The following VPS13A variants were observed in gnomAD, a reference collection of about 807,000 sequenced individuals.
VPS13A encodes the protein vacuolar protein sorting 13 homolog A.
Under a neutral mutation model 390.9 loss-of-function variants are expected in VPS13A, and 264 were observed. That is an observed-to-expected ratio of 0.68 (90% confidence interval 0.61 to 0.75). VPS13A has a LOEUF of 0.75. Among genes scored for constraint, VPS13A ranks in the 30% least tolerant of loss-of-function variants. The pLI is 0.00. For missense variants in VPS13A, 3,409 were observed against 3,733.9 expected (o/e 0.91, Z 2.27); for synonymous variants, 1,231 against 1,227.1 (o/e 1.00, Z -0.07).
chr9:77,250,347 A>G (rs781501198), intron 21 of VPS13A, 118 bp downstream of exon 21: 54 of 1,229,784 alleles, frequency 4.4e-5, no homozygotes, highest in Non-Finnish European at 5.6e-5. Context: ...TTGAATTAGA[A>G]ATGATAGTAA....
At chr9:77,296,091 GA>G (rs1454229563) in intron 33 of VPS13A, among the ~76,000 whole-genome samples, 1 of 152,136 alleles carries the variant, frequency 6.6e-6, no homozygotes, top group African/African-American at 2.4e-5. Context: ...TTTATTATCT[GA>G]GGAAGTATAT....
At chr9:77,247,458 ATTTTGTTTTT>A (rs997620994) in intron 20 of VPS13A, 63 bp downstream of exon 20, 1 of 1,497,160 alleles carries the variant, frequency 6.7e-7, no homozygotes, top group African/African-American at 1.4e-5. Context: ...TTTTAAATGT[ATTTTGTTTTT>A]TAAACAGTTT....
At chr9:77,399,401 T>G (rs966199851) in intron 68 of VPS13A, among the ~76,000 whole-genome samples, 1 of 151,806 alleles carries the variant, frequency 6.6e-6, no homozygotes, top group Non-Finnish European at 1.5e-5. Flanking sequence ...ATGCACAGAT[T>G]AGATTTGATT....
chr9:77,210,136 T>C, intron 6 of VPS13A, among the ~76,000 whole-genome samples: 1 of 143,210 alleles, frequency 7.0e-6, no homozygotes, highest in African/African-American at 2.6e-5. Flanking sequence ...AAGTTATCCC[T>C]CCCTCCCTTC....
rs1835286159 is a variant in VPS13A at position 77,419,675 on chromosome 9, C to T, written c.*3669C>T. On this transcript the variant is annotated 3_prime_UTR_variant, in exon 72 of 72. Coordinates refer to ENST00000360280, the MANE Select transcript of VPS13A (RefSeq NM_033305.3). ...CAGAAAAAGCATAGAAAAATTAGAT[C>T]CACACACAGCACCCAAAAAAGGCCA... The T allele has an allele frequency of 6.6e-6, 1 of 152,178 alleles. No individual in the cohort carries two copies. The highest frequency in any genetic ancestry group is 1.5e-5 in the Non-Finnish European group (1 of 68,030). The allele number at this position is 152,178 out of a possible 1,614,324, so 9.4% of individuals were successfully genotyped here.
At chr9:77,352,912 TATC>T (rs1475769354) in intron 53 of VPS13A, among the ~76,000 whole-genome samples, 2 of 152,120 alleles carry the variant, frequency 1.3e-5, no homozygotes, top group Non-Finnish European at 2.9e-5. Flanking sequence ...AAAACCCTGA[TATC>T]AGCACATTTA....
intron 21 of VPS13A, among the ~76,000 whole-genome samples, chr9:77,250,668 G>A (rs1825104480): frequency 6.6e-6 from 1 of 152,164 alleles, no homozygotes; most frequent in South Asian, 2.1e-4. Context: ...ATTGCTCAGG[G>A]CCAGAAGTAA....
At chr9:77,365,410 C>G (rs1832377997) in intron 59 of VPS13A, 50 bp from the exon 60 acceptor site, 1 of 1,194,190 alleles carries the variant, frequency 8.4e-7, no homozygotes, top group African/African-American at 1.5e-5. Flanking sequence ...GCTTAAATAT[C>G]TCATGCAGGT....
intron 1 of VPS13A, among the ~76,000 whole-genome samples, chr9:77,199,386 T>C (rs562799552): frequency 1.3e-5 from 2 of 152,238 alleles, no homozygotes; most frequent in Admixed American, 6.5e-5. Context: ...TGGGGTTACA[T>C]GTAACATCCT....
At chr9:77,255,173 C>G (rs1481369914) in intron 22 of VPS13A, among the ~76,000 whole-genome samples, 2 of 152,036 alleles carry the variant, frequency 1.3e-5, no homozygotes, top group African/African-American at 4.8e-5. Flanking sequence ...TCCTTCTGTT[C>G]CTAGTTTGCT....
At chr9:77,302,867 C>T (rs760793964) in intron 33 of VPS13A, 48 bp from the exon 34 acceptor site, 45 of 1,559,482 alleles carry the variant, frequency 2.9e-5, no homozygotes, top group Non-Finnish European at 3.9e-5. Flanking sequence ...TTTTTAACTA[C>T]CTGAATGTAT....
chr9:77,231,974 C>A (rs1823856783), intron 17 of VPS13A, among the ~76,000 whole-genome samples: 2 of 152,108 alleles, frequency 1.3e-5, no homozygotes, highest in Non-Finnish European at 2.9e-5. Context: ...ATGTGGATAT[C>A]CCGGTGTCCC....
chr9:77,392,120 A>C (rs1029937982), intron 68 of VPS13A, among the ~76,000 whole-genome samples: 3 of 152,212 alleles, frequency 2.0e-5, no homozygotes, highest in African/African-American at 7.2e-5. Context: ...CGGTATATGC[A>C]AGGCTGTAAA....
intron 13 of VPS13A, 100 bp downstream of exon 13, chr9:77,221,456 GACCTTTTCATC>G: frequency 7.6e-7 from 1 of 1,323,118 alleles, no homozygotes; most frequent in Non-Finnish European, 1.1e-6. Context: ...AATTTTTATT[GACCTTTTCATC>G]TCTTTTACTT....
At chr9:77,206,595 T>C (rs758779286) in intron 5 of VPS13A, among the ~76,000 whole-genome samples, 2 of 152,168 alleles carry the variant, frequency 1.3e-5, no homozygotes, top group Non-Finnish European at 2.9e-5. Context: ...TCTTTTTCAT[T>C]ATTGGAAGCG....
intron 13 of VPS13A, 53 bp from the exon 14 acceptor site, chr9:77,225,873 A>C: frequency 7.1e-7 from 1 of 1,405,814 alleles, no homozygotes; most frequent in East Asian, 2.3e-5. Flanking sequence ...GCTTAAGTTA[A>C]TTATGTAAAG....
intron 45 of VPS13A, among the ~76,000 whole-genome samples, chr9:77,325,998 A>G (rs1300771948): frequency 6.6e-6 from 1 of 152,114 alleles, no homozygotes; most frequent in African/African-American, 2.4e-5. Flanking sequence ...TTTTTCACAT[A>G]TATGTATTAC....
In VPS13A at chr9:77,213,289, A is replaced by G. The variant is rs1320910987; in HGVS notation, c.671A>G (p.Tyr224Cys). The change falls in exon 9 of 72, where the codon TAT becomes TGT. Residue 224 changes from tyrosine to cysteine, a missense_variant. This residue lies in a region of VPS13A where 2,717 missense variants were observed against 2,917.4 expected (regional missense o/e 0.93). Transcript: ENST00000360280. ...TGGAATGTGAAGTCTCAGATGTTTT[A>G]TCTTAGTGATTATGATAACTCCTTG... The part of the protein sequence containing the change: ...AYWNVKSQMF[Y>C]LSDYDNSLDD... The G allele has an allele frequency of 1.1e-5, 18 of 1,613,520 alleles. No homozygotes were observed. The highest frequency in any genetic ancestry group is 2.2e-5 in the East Asian group (1 of 44,796).
intron 59 of VPS13A, among the ~76,000 whole-genome samples, chr9:77,364,984 G>A (rs1832356572): frequency 6.6e-6 from 1 of 151,630 alleles, no homozygotes; most frequent in Non-Finnish European, 1.5e-5. Flanking sequence ...AGCATTTAAA[G>A]GAGAAGTATT....
Sources: gnomAD v4.1 joint callset for allele counts (sites outside exome capture counted in the v4.1 genomes callset) on GRCh38, gnomAD v4.1.1 for gene constraint, gnomAD v4.1.1 regional missense constraint, MANE v1.5 for transcripts, NCBI Gene and HGNC (gene_info 2026-07-23, HGNC 2026-07-21) for gene names.